Variants in PCDH9 observed in about 807,000 individuals in gnomAD.
The protein encoded by PCDH9 is protocadherin-9.
In PCDH9, 24 loss-of-function variants were observed where a neutral mutation model predicts 70.6. The observed-to-expected ratio is 0.34, with a 90% CI of 0.25 to 0.48. The LOEUF is 0.48. Among genes scored for constraint, PCDH9 ranks in the 20% least tolerant of loss-of-function variants. PCDH9 has a pLI of 0.99. For synonymous variants in PCDH9, 562 were observed against 558.5 expected (o/e 1.01, Z -0.09); for missense variants, 1,281 against 1,503.6 (o/e 0.85, Z 2.45).
Position 66,903,507 on chromosome 13 carries a change from G to T in PCDH9, c.3135C>A (p.Tyr1045Ter). The change falls in exon 3 of 5, where the codon TAC becomes TAA. Residue 1045 changes from tyrosine to a stop codon, truncating the protein, a stop_gained. Coordinates refer to ENST00000377865, the MANE Select transcript of PCDH9 (RefSeq NM_203487.3). LOFTEE classifies it high-confidence loss of function. ...FHIQENEESH[Y>*]ESQRRVTFHL... ...TCTCTATAGATATATGGCATACCTC[G>T]TAATGGCTTTCTTCATTCTCCTGAA... 7.1e-7 allele frequency: 1 copy of T among 1,412,220 alleles called. No individual in the cohort carries two copies. The highest frequency in any genetic ancestry group is 1.0e-6 in the Non-Finnish European group (1 of 998,470). 87.5% of individuals were successfully genotyped at this position (1,412,220 alleles called of 1,614,324 possible).
intron 2 of PCDH9, among the ~76,000 whole-genome samples, chr13:67,194,628 T>C (rs907621990): frequency 6.6e-6 from 1 of 152,218 alleles, no homozygotes; most frequent in Non-Finnish European, 1.5e-5. Context: ...CTTTGCTTCC[T>C]ATTTACAATA....
chr13:66,458,387 T>C (rs369931113), intron 4 of PCDH9, among the ~76,000 whole-genome samples: 1 of 152,078 alleles, frequency 6.6e-6, no homozygotes, highest in African/African-American at 2.4e-5. Context: ...CAGTGAATTA[T>C]CTCTGGTGCA....
intron 4 of PCDH9, among the ~76,000 whole-genome samples, chr13:66,394,170 A>G (rs1178580998): frequency 6.6e-6 from 1 of 152,198 alleles, no homozygotes; most frequent in African/African-American, 2.4e-5. Flanking sequence ...TTGAAGAACC[A>G]TCTCAGATTT....
At chr13:67,216,699 T>TATATATATATATATATATAA (rs2089612868) in intron 2 of PCDH9, 1 of 142,848 alleles carries the variant, frequency 7.0e-6, no homozygotes, top group Non-Finnish European at 1.5e-5. Context: ...TATATATATA[T>TATATATATATATATATATAA]ATATATATGG....
chr13:66,988,728 T>C (rs891213750), intron 2 of PCDH9, among the ~76,000 whole-genome samples: 3 of 152,002 alleles, frequency 2.0e-5, no homozygotes, highest in Admixed American at 1.3e-4. Flanking sequence ...CAGTCATCTA[T>C]TCTTATTTAT....
chr13:67,056,964 T>C (rs1385392091), intron 2 of PCDH9, among the ~76,000 whole-genome samples: 2 of 152,202 alleles, frequency 1.3e-5, no homozygotes, highest in Non-Finnish European at 2.9e-5. Context: ...TTATTTATAC[T>C]GTGTCTATAT....
chr13:66,783,662 A>T (rs969553481), intron 3 of PCDH9, among the ~76,000 whole-genome samples: 3 of 152,172 alleles, frequency 2.0e-5, no homozygotes, highest in Non-Finnish European at 4.4e-5. Context: ...AACACATAAA[A>T]TCACTTCAGA....
chr13:66,612,635 A>G (rs559136067), intron 4 of PCDH9, among the ~76,000 whole-genome samples: 1 of 152,306 alleles, frequency 6.6e-6, no homozygotes, highest in African/African-American at 2.4e-5. Flanking sequence ...ACTGTGAGAC[A>G]GCCAGGTTGG....
intron 4 of PCDH9, among the ~76,000 whole-genome samples, chr13:66,475,317 C>A (rs1341155223): frequency 6.6e-6 from 1 of 152,070 alleles, no homozygotes; most frequent in Non-Finnish European, 1.5e-5. Context: ...TCTTGCAGCC[C>A]TGCTGTCACT....
intron 3 of PCDH9, among the ~76,000 whole-genome samples, chr13:66,739,407 T>C (rs372901814): frequency 0.016 from 2,472 of 151,078 alleles, 31 homozygotes; most frequent in Middle Eastern, 0.065. Context: ...ATAAAGACCA[T>C]AGAGACTAGG....
At chr13:67,133,508 T>C (rs1282821898) in intron 2 of PCDH9, among the ~76,000 whole-genome samples, 4 of 152,244 alleles carry the variant, frequency 2.6e-5, no homozygotes, top group Admixed American at 2.6e-4. Context: ...GATGCTTTAC[T>C]GTCTGTAATT....
At chr13:66,339,157 G>T (rs1449885052) in intron 4 of PCDH9, among the ~76,000 whole-genome samples, 2 of 152,006 alleles carry the variant, frequency 1.3e-5, no homozygotes, top group Admixed American at 1.3e-4. Flanking sequence ...CACAGTTGTA[G>T]CTTTTATGAT....
At chr13:66,553,009 C>T (rs1961559642) in intron 4 of PCDH9, among the ~76,000 whole-genome samples, 1 of 152,130 alleles carries the variant, frequency 6.6e-6, no homozygotes, top group Non-Finnish European at 1.5e-5. Context: ...TGTGAGAACT[C>T]GCTATCACAA....
chr13:66,494,615 A>G (rs1334349863), intron 4 of PCDH9, among the ~76,000 whole-genome samples: 2 of 152,058 alleles, frequency 1.3e-5, no homozygotes, highest in Non-Finnish European at 2.9e-5. Context: ...ACTGCCAACA[A>G]TTAGACCAGA....
intron 4 of PCDH9, among the ~76,000 whole-genome samples, chr13:66,415,181 A>G (rs902065349): frequency 6.6e-6 from 1 of 152,184 alleles, no homozygotes; most frequent in Non-Finnish European, 1.5e-5. Context: ...CTAATCTTAA[A>G]TATTAAACCA....
chr13:66,738,712 C>T (rs1005839664), intron 3 of PCDH9, among the ~76,000 whole-genome samples: 10 of 149,430 alleles, frequency 6.7e-5, no homozygotes, highest in East Asian at 2.0e-4. Flanking sequence ...CCTCAGGAGC[C>T]GATGAGATCA....
intron 4 of PCDH9, among the ~76,000 whole-genome samples, chr13:66,529,004 C>T (rs1960327424): frequency 6.6e-6 from 1 of 152,090 alleles, no homozygotes; most frequent in African/African-American, 2.4e-5. Flanking sequence ...CTAGCAAAGT[C>T]TTATGGAGAT....
chr13:66,731,659 A>G (rs1339694973), intron 3 of PCDH9, among the ~76,000 whole-genome samples: 4 of 152,124 alleles, frequency 2.6e-5, no homozygotes, highest in African/African-American at 9.7e-5. Context: ...ATTTAGATAA[A>G]CATATCTCAT....
intron 3 of PCDH9, among the ~76,000 whole-genome samples, chr13:66,861,433 C>A (rs17081947): frequency 0.042 from 6,361 of 152,222 alleles, 458 homozygotes; most frequent in African/African-American, 0.15. Flanking sequence ...AAAAGAGCTG[C>A]ATTGTTACAG....
Sources: gnomAD v4.1 joint callset for allele counts (sites outside exome capture counted in the v4.1 genomes callset) on GRCh38, gnomAD v4.1.1 for gene constraint, MANE v1.5 for transcripts, NCBI Gene and HGNC (gene_info 2026-07-23, HGNC 2026-07-21) for gene names.